Variants in CDH13 observed in about 807,000 individuals in gnomAD.
CDH13 encodes the protein cadherin 13, also known as cadherin-13.
CDH13 carries 24 observed loss-of-function variants against 63.8 expected under a neutral mutation model. The observed-to-expected ratio is 0.38, with a 90% CI of 0.27 to 0.53. CDH13 has a LOEUF of 0.53. Among genes scored for constraint, CDH13 ranks in the 20% least tolerant of loss-of-function variants. The pLI is 0.85. For missense variants in CDH13, 1,049 were observed against 903.1 expected (o/e 1.16, Z -2.07); for synonymous variants, 503 against 355.3 (o/e 1.42, Z -4.67).
intron 5 of CDH13, among the ~76,000 whole-genome samples, chr16:83,267,398 C>T (rs1407425524): frequency 2.0e-5 from 3 of 152,156 alleles, no homozygotes; most frequent in African/African-American, 4.8e-5. Flanking sequence ...GTGTCAGAGG[C>T]AGGCACATCG....
intron 1 of CDH13, among the ~76,000 whole-genome samples, chr16:82,678,137 C>A (rs540839990): frequency 2.6e-5 from 4 of 152,220 alleles, no homozygotes; most frequent in African/African-American, 9.6e-5. Context: ...GGGAAACTTT[C>A]TTTTCCTGTA....
chr16:82,932,434 C>G lies in CDH13; in HGVS notation c.157+73961C>G, dbSNP rs561807702. ...AAGAGTCATGTGATTTTGGCTGCTC[C>G]TAGCTGACCTACTAGAGAAAAATCT... On this transcript the variant is annotated intron_variant, in intron 2 of 13. Coordinates refer to ENST00000567109, the MANE Select transcript of CDH13 (RefSeq NM_001257.5). 2.3e-3 allele frequency among the ~76,000 whole-genome samples: 350 copies of G among 152,240 alleles called. 1 individual carries two copies. Among genetic ancestry groups the G allele is most frequent in the African/African-American group, 7.4e-3 (308 of 41,546 alleles).
At chr16:83,062,332 G>A (rs909493897) in intron 3 of CDH13, among the ~76,000 whole-genome samples, 1 of 152,082 alleles carries the variant, frequency 6.6e-6, no homozygotes, top group Non-Finnish European at 1.5e-5. Context: ...TAAAAGCGTT[G>A]TTTCTTTTTT....
At chr16:82,811,753 A>C (rs921362294) in intron 1 of CDH13, among the ~76,000 whole-genome samples, 2 of 152,138 alleles carry the variant, frequency 1.3e-5, no homozygotes, top group Non-Finnish European at 2.9e-5. Flanking sequence ...AATGGTTAGT[A>C]GATAAACTCT....
chr16:83,713,599 G>T (rs1908417084), intron 10 of CDH13, among the ~76,000 whole-genome samples: 1 of 151,982 alleles, frequency 6.6e-6, no homozygotes, highest in South Asian at 2.1e-4. Flanking sequence ...TTCATCTATC[G>T]GCTGGGACTC....
intron 2 of CDH13, among the ~76,000 whole-genome samples, chr16:83,027,797 A>G (rs974348495): frequency 4.6e-5 from 7 of 152,156 alleles, no homozygotes; most frequent in Admixed American, 2.0e-4. Context: ...AACTGCTTAC[A>G]TCCAGTTCGG....
At chr16:83,071,812 A>C (rs2032459705) in intron 3 of CDH13, among the ~76,000 whole-genome samples, 1 of 152,226 alleles carries the variant, frequency 6.6e-6, no homozygotes, top group South Asian at 2.1e-4. Flanking sequence ...TAGGCATGAC[A>C]GAGTTCTGAA....
At chr16:83,675,291 G>C (rs1013755140) in intron 9 of CDH13, among the ~76,000 whole-genome samples, 1 of 152,084 alleles carries the variant, frequency 6.6e-6, no homozygotes, top group African/African-American at 2.4e-5. Context: ...TCTGGCCCTG[G>C]GCATCATACA....
intron 4 of CDH13, among the ~76,000 whole-genome samples, chr16:83,182,360 T>C (rs1301987291): frequency 2.6e-5 from 4 of 152,224 alleles, no homozygotes; most frequent in Non-Finnish European, 4.4e-5. Flanking sequence ...AGAGTCATAA[T>C]GCCAGGTTCA....
intron 8 of CDH13, among the ~76,000 whole-genome samples, chr16:83,665,197 A>T (rs560408265): frequency 3.0e-4 from 45 of 151,930 alleles, no homozygotes; most frequent in African/African-American, 1.0e-3. Flanking sequence ...CTTCCACACC[A>T]CTCGAGGAAA....
intron 3 of CDH13, among the ~76,000 whole-genome samples, chr16:83,105,732 A>G: frequency 6.6e-6 from 1 of 152,208 alleles, no homozygotes; most frequent in Middle Eastern, 3.4e-3. Flanking sequence ...GATAGAAACC[A>G]CCCCCAAATC....
At chr16:82,637,708 A>T (rs1162544762) in intron 1 of CDH13, 1 of 151,204 alleles carries the variant, frequency 6.6e-6, no homozygotes, top group East Asian at 1.9e-4. Flanking sequence ...AAGTGCTGGG[A>T]TTATAGGCGT....
intron 8 of CDH13, among the ~76,000 whole-genome samples, chr16:83,606,014 C>T (rs1386528450): frequency 6.6e-6 from 1 of 152,168 alleles, no homozygotes; most frequent in Non-Finnish European, 1.5e-5. Flanking sequence ...AGGACTGGCT[C>T]AGATGCAGTG....
intron 2 of CDH13, among the ~76,000 whole-genome samples, chr16:82,966,975 CCCAGGATCTAAT>C (rs1399025024): frequency 6.6e-6 from 1 of 152,052 alleles, no homozygotes; most frequent in African/African-American, 2.4e-5. Context: ...AATATTTTGG[CCCAGGATCTAAT>C]CCAGGATTTA....
intron 1 of CDH13, among the ~76,000 whole-genome samples, chr16:82,832,569 T>A (rs1350914874): frequency 6.7e-6 from 1 of 149,798 alleles, no homozygotes; most frequent in Non-Finnish European, 1.5e-5. Context: ...ACAGTTATAA[T>A]TAGATTTATA....
chr16:83,390,095 C>T (rs767838872), intron 6 of CDH13, among the ~76,000 whole-genome samples: 2 of 152,178 alleles, frequency 1.3e-5, no homozygotes, highest in South Asian at 2.1e-4. Flanking sequence ...GAGTCCTGGG[C>T]CATGTGTAAA....
At chr16:82,942,443 A>G (rs1321586377) in intron 2 of CDH13, among the ~76,000 whole-genome samples, 1 of 152,202 alleles carries the variant, frequency 6.6e-6, no homozygotes, top group East Asian at 1.9e-4. Context: ...ATCCTGTTAT[A>G]AGTGCTCTGG....
In CDH13 at chr16:82,700,955, G is replaced by GCCC. The variant is rs572286316; in HGVS notation, c.45+73835_45+73837dup. On this transcript the variant is annotated intron_variant, in intron 1 of 13. Transcript: ENST00000567109. Reference sequence around the variant, plus strand: ...TGCACCATTGTAAGTGCTGGAACCCGCCCCCCCCCCCCCCCCCCCGCCCCG... The same window carrying GCCC: ...TGCACCATTGTAAGTGCTGGAACCCGCCCCCCCCCCCCCCCCCCCCCCGCCCCG... Among the ~76,000 whole-genome samples the GCCC allele has an allele frequency of 1.2e-3, 12 of 10,432 alleles. 2 individuals carry two copies. Among genetic ancestry groups the GCCC allele is most frequent in the Non-Finnish European group, 1.4e-3 (10 of 6,900 alleles). The allele number at this position is 10,432 out of a possible 152,430, so 6.8% of individuals were successfully genotyped here.
At chr16:83,170,497 C>G (rs72800272) in intron 4 of CDH13, among the ~76,000 whole-genome samples, 1 of 151,976 alleles carries the variant, frequency 6.6e-6, no homozygotes, top group African/African-American at 2.4e-5. Context: ...GAGAAACTCA[C>G]CAATACAATT....
Sources: gnomAD v4.1 joint callset for allele counts (sites outside exome capture counted in the v4.1 genomes callset) on GRCh38, gnomAD v4.1.1 for gene constraint, MANE v1.5 for transcripts, NCBI Gene and HGNC (gene_info 2026-07-23, HGNC 2026-07-21) for gene names.